Variants in NSUN6 observed in about 807,000 individuals in gnomAD.
The protein encoded by NSUN6 is NOP2/Sun RNA methyltransferase 6.
In NSUN6, 64 loss-of-function variants were observed where a neutral mutation model predicts 58.0. The ratio of observed to expected loss-of-function variants is 1.10; its 90% CI spans 0.90 to 1.36. NSUN6 has a LOEUF of 1.36. Among genes scored for constraint, NSUN6 ranks in the 40% most tolerant of loss-of-function variants. The pLI, the probability that NSUN6 is intolerant of heterozygous loss-of-function variation, is 0.00. For synonymous variants in NSUN6, 231 were observed against 193.9 expected, an observed-to-expected ratio of 1.19 and a Z score of -1.59; for missense variants, 701 against 550.1, an observed-to-expected ratio of 1.27 and a Z score of -2.74.
In NSUN6 at chr10:18,621,963, C is replaced by T. The variant is rs531014270; in HGVS notation, c.312-5670G>A. ...CTGCCACCTTTATTTAATCAGTAGT[C>T]CTTGTGCAACAGCATTTCTTAAATA... On this transcript the variant is annotated intron_variant, in intron 3 of 10. Transcript: ENST00000377304. 4.6e-5 allele frequency among the ~76,000 whole-genome samples: 7 copies of T among 152,138 alleles called. No individual in the cohort carries two copies. The South Asian group carries it at 1.5e-3, about 32-fold the overall frequency.
intron 8 of NSUN6, among the ~76,000 whole-genome samples, chr10:18,567,436 C>T (rs1002747649): frequency 6.6e-6 from 1 of 150,566 alleles, no homozygotes; most frequent in Non-Finnish European, 1.5e-5. Context: ...ATTCCATGCT[C>T]CATTCCATTC....
chr10:18,553,777 G>A lies in NSUN6; in HGVS notation c.923-1806C>T, dbSNP rs183079570. Among the ~76,000 whole-genome samples the A allele has an allele frequency of 2.0e-5, 3 of 151,464 alleles. No homozygotes were observed. In the East Asian group the frequency reaches 5.9e-4, roughly 30 times the overall value. ...AATGGAATGGAGAATGGATTGGAATGGAATGGAATAGAGAATGGAGAATGG... is the reference window on the plus strand; with the variant it reads ...AATGGAATGGAGAATGGATTGGAATAGAATGGAATAGAGAATGGAGAATGG... On this transcript the variant is annotated intron_variant, in intron 8 of 10. Coordinates refer to ENST00000377304, the MANE Select transcript of NSUN6 (RefSeq NM_182543.5).
chr10:18,570,434 T>C (rs546170264), intron 8 of NSUN6, among the ~76,000 whole-genome samples: 42 of 148,494 alleles, frequency 2.8e-4, no homozygotes, highest in African/African-American at 1.0e-3. Context: ...CCATTCTCCA[T>C]TCCATTCCAT....
intron 8 of NSUN6, among the ~76,000 whole-genome samples, chr10:18,572,303 T>C (rs2056411590): frequency 6.6e-6 from 1 of 151,312 alleles, no homozygotes; most frequent in Non-Finnish European, 1.5e-5. Context: ...CATTCCACTC[T>C]CCCTTCCAGT....
chr10:18,569,828 A>C (rs2056230712), intron 8 of NSUN6, among the ~76,000 whole-genome samples: 1 of 131,092 alleles, frequency 7.6e-6, no homozygotes, highest in East Asian at 2.4e-4. Context: ...CATTCTCCAT[A>C]CCATTCCATT....
At chr10:18,560,807 G>C (rs1380952457) in intron 8 of NSUN6, among the ~76,000 whole-genome samples, 1 of 149,892 alleles carries the variant, frequency 6.7e-6, no homozygotes, top group East Asian at 2.0e-4. Context: ...GGAGAATGGA[G>C]AATGATATGG....
chr10:18,623,590 T>C (rs2131407168), intron 3 of NSUN6, among the ~76,000 whole-genome samples: 1 of 152,296 alleles, frequency 6.6e-6, no homozygotes, highest in East Asian at 1.9e-4. Context: ...GTCTTACCAG[T>C]ATCCTGTTCA....
In NSUN6 at chr10:18,573,516, C is replaced by T. The variant is rs373353643; in HGVS notation, c.922+12433G>A. Reference sequence around the variant, plus strand: ...TACCATTCTACGTTCCATTCCATTCCGTTCTCCATTCTCCATTCCCTTCTC... The same window carrying T: ...TACCATTCTACGTTCCATTCCATTCTGTTCTCCATTCTCCATTCCCTTCTC... On this transcript the variant is annotated intron_variant, in intron 8 of 10. Transcript: ENST00000377304. 6.5e-4 allele frequency among the ~76,000 whole-genome samples: 98 copies of T among 151,924 alleles called. 9 individuals are homozygous for T. Among genetic ancestry groups the T allele is most frequent in the South Asian group, 4.0e-3 (19 of 4,810 alleles).
At chr10:18,578,396 G>A (rs1005654615) in intron 8 of NSUN6, among the ~76,000 whole-genome samples, 4 of 152,026 alleles carry the variant, frequency 2.6e-5, no homozygotes, top group Admixed American at 6.6e-5. Context: ...ACCACACTCA[G>A]CTAATTTTTG....
chr10:18,582,341 C>T (rs1589949372), intron 8 of NSUN6, among the ~76,000 whole-genome samples: 1 of 152,286 alleles, frequency 6.6e-6, no homozygotes, highest in Non-Finnish European at 1.5e-5. Context: ...GACTAGCTAC[C>T]TACTGTAACA....
At chr10:18,618,986 T>C (rs2058509361) in intron 3 of NSUN6, among the ~76,000 whole-genome samples, 1 of 152,194 alleles carries the variant, frequency 6.6e-6, no homozygotes, top group South Asian at 2.1e-4. Context: ...GCCATATCAC[T>C]CTGAACATGC....
intron 6 of NSUN6, among the ~76,000 whole-genome samples, chr10:18,609,379 A>G (rs1386450305): frequency 1.3e-5 from 2 of 152,072 alleles, no homozygotes; most frequent in Non-Finnish European, 2.9e-5. Flanking sequence ...ATTTGGACTT[A>G]GGTTTGAGTT....
intron 3 of NSUN6, among the ~76,000 whole-genome samples, chr10:18,640,385 C>G (rs914708427): frequency 2.6e-5 from 4 of 152,002 alleles, no homozygotes; most frequent in African/African-American, 9.7e-5. Flanking sequence ...AAAGAAAAAC[C>G]TAATTTAACT....
chr10:18,655,173 C>A (rs2059763951), upstream of NSUN6: 1 of 980,432 alleles, frequency 1.0e-6, no homozygotes, highest in South Asian at 4.7e-5. Flanking sequence ...GTATCCTTCC[C>A]ACCTAAGAAA....
intron 7 of NSUN6, among the ~76,000 whole-genome samples, chr10:18,586,905 C>T (rs2057174105): frequency 6.6e-6 from 1 of 152,084 alleles, no homozygotes; most frequent in Non-Finnish European, 1.5e-5. Context: ...CATTTACAAT[C>T]CTTTAGCTAG....
At chr10:18,647,329 G>C (rs1371123606) in intron 2 of NSUN6, among the ~76,000 whole-genome samples, 2 of 152,172 alleles carry the variant, frequency 1.3e-5, no homozygotes, top group South Asian at 4.1e-4. Context: ...AGGCAGAAAT[G>C]AGTCTGCTGA....
chr10:18,604,367 A>G (rs1402447374), intron 6 of NSUN6, among the ~76,000 whole-genome samples: 1 of 152,196 alleles, frequency 6.6e-6, no homozygotes, highest in Non-Finnish European at 1.5e-5. Flanking sequence ...CAGCAGCATA[A>G]TAGGAAGATG....
At chr10:18,634,708 G>A (rs1343348754) in intron 3 of NSUN6, among the ~76,000 whole-genome samples, 2 of 152,216 alleles carry the variant, frequency 1.3e-5, no homozygotes, top group Non-Finnish European at 2.9e-5. Context: ...CTTGCAGTGA[G>A]CTCCTGCCAC....
At chr10:18,572,684 A>C (rs2056437606) in intron 8 of NSUN6, among the ~76,000 whole-genome samples, 2 of 134,496 alleles carry the variant, frequency 1.5e-5, no homozygotes, top group Non-Finnish European at 3.2e-5. Context: ...ATTCTCTTCC[A>C]TTCTCCTTCC....
Sources: gnomAD v4.1 joint callset for allele counts (sites outside exome capture counted in the v4.1 genomes callset) on GRCh38, gnomAD v4.1.1 for gene constraint, MANE v1.5 for transcripts, NCBI Gene and HGNC (gene_info 2026-07-23, HGNC 2026-07-21) for gene names.